Variants in PIN4 observed in about 807,000 individuals in gnomAD.
The protein encoded by PIN4 is peptidylprolyl cis/trans isomerase, NIMA-interacting 4.
PIN4 carries 3 observed loss-of-function variants against 8.3 expected under a neutral mutation model. The observed-to-expected ratio is 0.36, with a 90% CI of 0.16 to 0.93. PIN4 has a LOEUF of 0.93. PIN4 is among the 40% of genes least tolerant of loss of function. The pLI, the probability that PIN4 is intolerant of heterozygous loss-of-function variation, is 0.44. For synonymous variants in PIN4, 18 were observed against 32.5 expected, an observed-to-expected ratio of 0.55 and a Z score of 1.52; for missense variants, 75 against 100.6, an observed-to-expected ratio of 0.75 and a Z score of 1.09.
chrX:72,221,128 A>G, intron 3 of PIN4, among the ~76,000 whole-genome samples: 1 of 111,829 alleles, frequency 8.9e-6, no homozygotes, highest in East Asian at 2.8e-4. Flanking sequence ...GATCTTGGGA[A>G]TCCACCTCCA....
intron 3 of PIN4, among the ~76,000 whole-genome samples, chrX:72,220,745 C>T (rs2042918429): frequency 8.9e-6 from 1 of 111,797 alleles, no homozygotes; most frequent in Non-Finnish European, 1.9e-5. Context: ...CACCCTAAAA[C>T]CAATATATAC....
intron 3 of PIN4, chrX:72,238,986 A>G (rs769868656): frequency 3.3e-4 from 310 of 926,788 alleles, no homozygotes; most frequent in Non-Finnish European, 4.3e-4. Context: ...CTTGGAGCTT[A>G]GAGTTTGGAG....
chrX:72,234,072 T>C (rs1421373318), intron 3 of PIN4, among the ~76,000 whole-genome samples: 1 of 109,031 alleles, frequency 9.2e-6, no homozygotes, highest in Non-Finnish European at 1.9e-5. Flanking sequence ...ATTGCGCCAC[T>C]GCACTCCAGC....
chrX:72,203,387 A>G (rs1345967790), intron 3 of PIN4, among the ~76,000 whole-genome samples: 2 of 111,835 alleles, frequency 1.8e-5, no homozygotes, highest in Non-Finnish European at 3.8e-5. Context: ...GGGAACCCCT[A>G]ATTTGTAGCC....
At chrX:72,222,595 C>CTTT (rs758259884) in intron 3 of PIN4, among the ~76,000 whole-genome samples, 2 of 85,054 alleles carry the variant, frequency 2.4e-5, no homozygotes, top group African/African-American at 4.6e-5. Context: ...AGAATCCAGC[C>CTTT]TTTTTTTTTT....
intron 3 of PIN4, among the ~76,000 whole-genome samples, chrX:72,254,771 C>T (rs1006026839): frequency 1.9e-4 from 21 of 112,759 alleles, no homozygotes; most frequent in Non-Finnish European, 3.6e-4. Flanking sequence ...TATCCTGTGT[C>T]ATTGCAGGCA....
intron 3 of PIN4, among the ~76,000 whole-genome samples, chrX:72,203,673 G>A (rs906656636): frequency 2.7e-5 from 3 of 111,687 alleles, no homozygotes; most frequent in South Asian, 7.6e-4. Context: ...GTTAAAAATC[G>A]GTTTCACCCC....
chrX:72,183,169 G>A (rs1458882987), intron 1 of PIN4, among the ~76,000 whole-genome samples: 1 of 111,842 alleles, frequency 8.9e-6, no homozygotes, highest in Non-Finnish European at 1.9e-5. Context: ...TGCTGGTCCT[G>A]CAGGGTAACA....
In PIN4 at chrX:72,219,879, T is replaced by C. The variant is rs187831431; in HGVS notation, c.312+22975T>C. Among the ~76,000 whole-genome samples, 290 of 107,756 alleles carry C rather than the reference T, an allele frequency of 2.7e-3. 2 individuals are homozygous for C. The highest frequency in any genetic ancestry group is 4.7e-3 in the Non-Finnish European group (245 of 52,282). The allele number at this position is 107,756 out of a possible 115,157, so 93.6% of individuals were successfully genotyped here. ...AAAAAAAAAAGAACCTCCACTATAA[T>C]GTTGAATTATAATGTGAAGAGAAGT... On this transcript the variant is annotated intron_variant, in intron 3 of 3. Transcript: ENST00000423432.
chrX:72,196,964 C>T (rs757545155), intron 3 of PIN4, 60 bp downstream of exon 3: 14 of 978,196 alleles, frequency 1.4e-5, no homozygotes, highest in Non-Finnish European at 1.9e-5. Flanking sequence ...GTAAAAATGA[C>T]AAATAATAAA....
chrX:72,205,526 T>C, intron 3 of PIN4: 1 of 1,211,527 alleles, frequency 8.3e-7, no homozygotes, highest in Non-Finnish European at 1.1e-6. Context: ...TTTACACTAC[T>C]GGGTATTTGA....
chrX:72,260,390 C>G (rs2043133658), intron 3 of PIN4, among the ~76,000 whole-genome samples: 1 of 112,694 alleles, frequency 8.9e-6, no homozygotes, highest in Non-Finnish European at 1.9e-5. Flanking sequence ...CCTATGGGAG[C>G]AAGCAGGCCC....
At chrX:72,257,281 A>T (rs1211456155) in intron 3 of PIN4, among the ~76,000 whole-genome samples, 5 of 111,818 alleles carry the variant, frequency 4.5e-5, no homozygotes, top group Non-Finnish European at 9.4e-5. Flanking sequence ...AGATCGTGCC[A>T]CTGTACTCCA....
At chrX:72,247,089 T>C (rs891496529) in intron 3 of PIN4, among the ~76,000 whole-genome samples, 1 of 111,589 alleles carries the variant, frequency 9.0e-6, no homozygotes, top group Non-Finnish European at 1.9e-5. Flanking sequence ...AATGAGGCCT[T>C]GGGTGGGAAT....
intron 3 of PIN4, among the ~76,000 whole-genome samples, chrX:72,243,246 C>T (rs927091186): frequency 1.8e-5 from 2 of 111,687 alleles, no homozygotes; most frequent in African/African-American, 3.3e-5. Flanking sequence ...AGCCAGGAGG[C>T]GGAGGTTGCA....
intron 3 of PIN4, among the ~76,000 whole-genome samples, chrX:72,229,751 C>A (rs2042972943): frequency 9.0e-6 from 1 of 111,698 alleles, no homozygotes; most frequent in Admixed American, 9.6e-5. Flanking sequence ...GAAGGGCCAT[C>A]CATGTCATTC....
At chrX:72,201,936 G>A (rs970167986), downstream of PIN4, among the ~76,000 whole-genome samples, 22 of 112,921 alleles carry the variant, frequency 1.9e-4, no homozygotes, top group Non-Finnish European at 3.6e-4. Flanking sequence ...AAAACACCCT[G>A]TTAGAGAATT....
At chrX:72,209,556 C>G (rs1415083160) in intron 3 of PIN4, among the ~76,000 whole-genome samples, 4 of 111,622 alleles carry the variant, frequency 3.6e-5, no homozygotes, top group African/African-American at 1.3e-4. Flanking sequence ...GCCCCACCCC[C>G]AGGCCAGGCA....
At chrX:72,193,872 C>CA (rs757224920) in intron 2 of PIN4, among the ~76,000 whole-genome samples, 2,790 of 47,237 alleles carry the variant, frequency 0.059, 126 homozygotes, top group African/African-American at 0.18. Context: ...GACTTCATCT[C>CA]AAAAAAAAAA....
Sources: allele counts gnomAD v4.1 joint callset (sites outside exome capture counted in the v4.1 genomes callset), GRCh38; gene constraint gnomAD v4.1.1; transcripts MANE v1.5; gene names NCBI Gene and HGNC (gene_info 2026-07-23, HGNC 2026-07-21).